ARMH3: variants seen among roughly 807,000 people sequenced by gnomAD.
ARMH3 encodes armadillo-like helical domain-containing protein 3.
ARMH3 carries 60 observed loss-of-function variants against 99.1 expected under a neutral mutation model. That is an observed-to-expected ratio of 0.61 (90% CI 0.49 to 0.75). The LOEUF is 0.75. ARMH3 is among the 30% of genes least tolerant of loss of function. The pLI, the probability that ARMH3 is intolerant of heterozygous loss-of-function variation, is 0.00. For synonymous variants in ARMH3, 285 were observed against 292.8 expected (o/e 0.97, Z 0.27); for missense variants, 679 against 843.1 (o/e 0.81, Z 2.41).
chr10:101,929,565 ACAG>A, intron 23 of ARMH3, among the ~76,000 whole-genome samples: 1 of 152,328 alleles, frequency 6.6e-6, no homozygotes, highest in South Asian at 2.1e-4. Flanking sequence ...TATGTTATTT[ACAG>A]TTGCATAGGA....
intron 23 of ARMH3, among the ~76,000 whole-genome samples, chr10:101,925,817 A>C (rs1421780045): frequency 6.6e-6 from 1 of 152,216 alleles, no homozygotes; most frequent in Non-Finnish European, 1.5e-5. Context: ...AGGCTGAGGC[A>C]GGGGAATTGC....
At chr10:101,937,669 C>A (rs183286603) in intron 23 of ARMH3, among the ~76,000 whole-genome samples, 2 of 152,156 alleles carry the variant, frequency 1.3e-5, no homozygotes, top group East Asian at 1.9e-4. Flanking sequence ...ACATAATACA[C>A]CCTATAGAGT....
chr10:101,850,022 T>C (rs1041421300), intron 24 of ARMH3, 130 bp from the exon 25 acceptor site: 8 of 702,012 alleles, frequency 1.1e-5, no homozygotes, highest in African/African-American at 1.8e-5. Context: ...TTATTACTTA[T>C]CTTCCAGAAA....
At chr10:101,922,648 AT>A (rs966775089) in intron 23 of ARMH3, among the ~76,000 whole-genome samples, 8 of 152,190 alleles carry the variant, frequency 5.3e-5, no homozygotes, top group African/African-American at 1.9e-4. Flanking sequence ...CAAATAGTTC[AT>A]TTTTTGCATA....
chr10:102,005,228 C>T (rs1402533059), intron 14 of ARMH3, among the ~76,000 whole-genome samples: 1 of 151,480 alleles, frequency 6.6e-6, no homozygotes, highest in Non-Finnish European at 1.5e-5. Flanking sequence ...AATAAACATA[C>T]AAAAATTAGC....
chr10:101,990,197 T>C (rs1564826473), intron 19 of ARMH3, among the ~76,000 whole-genome samples: 1 of 150,024 alleles, frequency 6.7e-6, no homozygotes, highest in Non-Finnish European at 1.5e-5. Flanking sequence ...TTTTTTTTTT[T>C]TCCCAGACAG....
intron 14 of ARMH3, among the ~76,000 whole-genome samples, chr10:102,004,061 TTATATAATATGTAGAAA>T (rs1023524361): frequency 2.0e-5 from 3 of 152,164 alleles, no homozygotes; most frequent in Admixed American, 2.0e-4. Context: ...GAAAACTATC[TTATATAATATGTAGAAA>T]TATAGAAGTA....
chr10:101,923,299 CACAGTAAAATG>C (rs1476204174), intron 23 of ARMH3, among the ~76,000 whole-genome samples: 1 of 152,130 alleles, frequency 6.6e-6, no homozygotes, highest in Non-Finnish European at 1.5e-5. Context: ...AGGCTGATAG[CACAGTAAAATG>C]ACAGTAAAAT....
chr10:101,903,981 G>T (rs1327591531), intron 23 of ARMH3, among the ~76,000 whole-genome samples: 2 of 152,148 alleles, frequency 1.3e-5, no homozygotes, highest in African/African-American at 4.8e-5. Context: ...GGTCTTTCAG[G>T]CTCCCATGGG....
rs553624713 is a variant in ARMH3, at chr10:101,859,413, A to G, written c.1861-9521T>C. 1.2e-3 allele frequency among the ~76,000 whole-genome samples: 176 copies of G among 152,358 alleles called. 1 individual carries two copies. Among genetic ancestry groups the G allele is most frequent in the African/African-American group, 3.9e-3 (163 of 41,588 alleles). ...GACTGACACTGACAGCCTAGACTCC[A>G]TCAGGGCAATCACCTGAAAGGCAGA... is the stretch of plus-strand genomic sequence containing the variant. On this transcript the variant is annotated intron_variant, in intron 24 of 25. Transcript: ENST00000370033.
intron 2 of ARMH3, among the ~76,000 whole-genome samples, chr10:102,036,379 C>T (rs1236808346): frequency 2.6e-5 from 4 of 152,266 alleles, no homozygotes; most frequent in Non-Finnish European, 1.5e-5. Context: ...GAGGTGTACC[C>T]AACAGCTCAT....
chr10:102,040,177 T>C, intron 1 of ARMH3, 52 bp from the exon 2 acceptor site: 1 of 1,396,986 alleles, frequency 7.2e-7, no homozygotes, highest in East Asian at 2.3e-5. Context: ...AGTATGATAC[T>C]ATAATGGCAG....
chr10:101,907,604 G>A (rs1246756636), intron 23 of ARMH3, among the ~76,000 whole-genome samples: 4 of 151,898 alleles, frequency 2.6e-5, no homozygotes, highest in Non-Finnish European at 5.9e-5. Flanking sequence ...GGCTGGTCTC[G>A]AACTCCTGAC....
chr10:102,045,822 C>G (rs941044359), intron 1 of ARMH3, among the ~76,000 whole-genome samples: 1 of 152,016 alleles, frequency 6.6e-6, no homozygotes, highest in Non-Finnish European at 1.5e-5. Flanking sequence ...GGGCCAGGCG[C>G]GGTGGCTCAC....
intron 2 of ARMH3, among the ~76,000 whole-genome samples, chr10:102,035,975 C>T (rs1433505329): frequency 6.6e-6 from 1 of 151,568 alleles, no homozygotes; most frequent in Non-Finnish European, 1.5e-5. Context: ...CTCTGCCCAG[C>T]CGCCCATCGT....
intron 19 of ARMH3, among the ~76,000 whole-genome samples, chr10:101,982,804 T>C (rs185344194): frequency 7.9e-5 from 12 of 152,190 alleles, no homozygotes; most frequent in African/African-American, 2.4e-4. Flanking sequence ...GACAGGACCA[T>C]CTAGTTGCAG....
intron 9 of ARMH3, 134 bp from the exon 10 acceptor site, chr10:102,013,010 A>G (rs150492750): frequency 0.016 from 9,939 of 611,112 alleles, 145 homozygotes; most frequent in South Asian, 0.031. Flanking sequence ...AAGGACAGAA[A>G]TTCTGAGAGG....
At chr10:102,049,848 C>T (rs1014658133) in intron 1 of ARMH3, among the ~76,000 whole-genome samples, 3 of 152,072 alleles carry the variant, frequency 2.0e-5, no homozygotes, top group Admixed American at 6.6e-5. Flanking sequence ...TGAGCCACTG[C>T]ACCCGGCCCC....
intron 24 of ARMH3, among the ~76,000 whole-genome samples, chr10:101,863,762 AAAAAT>A (rs2066925671): frequency 6.6e-6 from 1 of 151,988 alleles, no homozygotes; most frequent in African/African-American, 2.4e-5. Context: ...CCATCTCTTA[AAAAAT>A]AAAATAAAAT....
Sources: gnomAD v4.1 joint callset for allele counts (sites outside exome capture counted in the v4.1 genomes callset) on GRCh38, gnomAD v4.1.1 for gene constraint, MANE v1.5 for transcripts, NCBI Gene and HGNC (gene_info 2026-07-23, HGNC 2026-07-21) for gene names.